The following LXN variants were observed in gnomAD, a reference collection of about 807,000 sequenced individuals.
The protein encoded by LXN is MUM.
LXN carries 28 observed loss-of-function variants against 29.8 expected under a neutral mutation model. The observed-to-expected ratio is 0.94, with a 90% CI of 0.70 to 1.29. The LOEUF (loss-of-function observed/expected upper bound fraction) is 1.29, where lower values mean the gene tolerates loss of function less well. Ranked by LOEUF, LXN falls within the 50% of genes most tolerant of loss-of-function variation. LXN has a pLI of 0.00. For missense variants in LXN, 227 were observed against 261.7 expected, an observed-to-expected ratio of 0.87 and a Z score of 0.92; for synonymous variants, 77 against 89.6, an observed-to-expected ratio of 0.86 and a Z score of 0.80.
chr3:158,667,687 C>G (rs1306339695), intron 4 of LXN, among the ~76,000 whole-genome samples: 1 of 152,088 alleles, frequency 6.6e-6, no homozygotes, highest in African/African-American at 2.4e-5. Context: ...ACCTGGGAGG[C>G]TGAGGTGGGA....
chr3:158,670,932 C>CAAGGAAA (rs1553850750), intron 2 of LXN, 25 bp downstream of exon 2: 1 of 1,493,832 alleles, frequency 6.7e-7, no homozygotes. Flanking sequence ...GACCCTGTCT[C>CAAGGAAA]AAAGAAAAAA....
In LXN at chr3:158,672,371, C is replaced by T. The variant is rs1240671312; in HGVS notation, c.108G>A (p.Lys36=). The change falls in exon 1 of 6, where the codon AAG becomes AAA. Residue 36 remains lysine, a synonymous_variant. Coordinates refer to ENST00000264265, the MANE Select transcript of LXN (RefSeq NM_020169.4). ...GTPHRVFEVQ[K]VKQASMEDIP... Reference sequence around the variant, plus strand: ...TCACCTCCATGCTGGCTTGTTTGACCTTCTGCACCTCAAACACCCTGTGCG... The same window carrying T: ...TCACCTCCATGCTGGCTTGTTTGACTTTCTGCACCTCAAACACCCTGTGCG... 1.2e-6 allele frequency: 2 copies of T among 1,613,990 alleles called. No homozygotes were observed. The highest frequency in any genetic ancestry group is 1.7e-6 in the Non-Finnish European group (2 of 1,179,914).
chr3:158,666,475 A>G lies in LXN; in HGVS notation c.*171T>C. On this transcript the variant is annotated 3_prime_UTR_variant, in exon 6 of 6. Transcript: ENST00000264265. Reference sequence around the variant, plus strand: ...ATACCACTATTACTGTTTTAAAGACATTTTTATGTAGTGATACTTTGTATT... The same window carrying G: ...ATACCACTATTACTGTTTTAAAGACGTTTTTATGTAGTGATACTTTGTATT... 8.2e-7 allele frequency: 1 copy of G among 1,215,290 alleles called. No homozygotes were observed. 75.3% of individuals were successfully genotyped at this position (1,215,290 alleles called of 1,614,324 possible).
chr3:158,670,876 G>A (rs1576765853), intron 2 of LXN, 81 bp downstream of exon 2: 1 of 1,350,602 alleles, frequency 7.4e-7, no homozygotes, highest in South Asian at 1.6e-5. Context: ...TGAGGCTGCA[G>A]TGAGCCATGT....
chr3:158,672,636 G>C lies in LXN; in HGVS notation c.-158C>G. On this transcript the variant is annotated 5_prime_UTR_variant, in exon 1 of 6. Coordinates refer to ENST00000264265, the MANE Select transcript of LXN (RefSeq NM_020169.4). ...TCTTCCTCAGCTCCTTCCGACTCCG[G>C]AAGCTGCTGTTTGGGCCCAGGCTCC... 1.2e-6 allele frequency: 1 copy of C among 846,202 alleles called. No homozygotes were observed. The highest frequency in any genetic ancestry group is 1.8e-6 in the Non-Finnish European group (1 of 565,066). 52.4% of individuals were successfully genotyped at this position (846,202 alleles called of 1,614,324 possible). A position where few individuals can be genotyped will look rare whatever the true frequency, so the allele number is the denominator to read the frequency against.
chr3:158,670,813 G>T (rs1426172038), intron 2 of LXN, 144 bp downstream of exon 2: 1 of 1,212,372 alleles, frequency 8.2e-7, no homozygotes. Context: ...TGCACCTGTG[G>T]TCCCAGCTAT....
At chr3:158,667,545 C>T (rs548134934) in intron 4 of LXN, among the ~76,000 whole-genome samples, 5 of 152,240 alleles carry the variant, frequency 3.3e-5, no homozygotes, top group South Asian at 4.1e-4. Flanking sequence ...GAGCACTTTG[C>T]GGGGCTGAGG....
chr3:158,669,130 TGTCTG>T lies in LXN; in HGVS notation c.371-3_372del. 1 of 1,613,162 alleles carries T rather than the reference TGTCTG, an allele frequency of 6.2e-7. No homozygotes were observed. The highest frequency in any genetic ancestry group is 1.7e-5 in the Admixed American group (1 of 59,918). On this transcript the variant is annotated splice_acceptor_variant and splice_polypyrimidine_tract_variant and coding_sequence_variant and intron_variant, in exon 4 of 6. Coordinates refer to ENST00000264265, the MANE Select transcript of LXN (RefSeq NM_020169.4). LOFTEE classifies it high-confidence loss of function. ...ATTTCTGGAGATACATTTCCAAAAT[TGTCTG>T]GTAGGAGACACATTTATATGATAAT...
In LXN at chr3:158,671,174, A is replaced by C. The variant is rs114051682; in HGVS notation, c.130-155T>G. Among the ~76,000 whole-genome samples, 873 of 152,310 alleles carry C rather than the reference A, an allele frequency of 5.7e-3. 7 individuals carry two copies. Among genetic ancestry groups the C allele is most frequent in the African/African-American group, 0.02 (831 of 41,566 alleles). ...AAAAAGGCATGTCACCATGAATGTA[A>C]CATCTAATTTAGCAAGTCCCCTATC... On this transcript the variant is annotated intron_variant, in intron 1 of 5. Transcript: ENST00000264265.
Position 158,672,646 on chromosome 3 carries a change from T to C in LXN, c.-168A>G, listed in dbSNP as rs939614604. 28 of 749,012 alleles carry C rather than the reference T, an allele frequency of 3.7e-5. No individual in the cohort carries two copies. In the African/African-American group the frequency reaches 4.8e-4, roughly 13 times the overall value. The allele number at this position is 749,012 out of a possible 1,614,324, so 46.4% of individuals were successfully genotyped here. On this transcript the variant is annotated 5_prime_UTR_variant, in exon 1 of 6. Transcript: ENST00000264265. The stretch of plus-strand genomic sequence containing the variant: ...CTCCTTCCGACTCCGGAAGCTGCTG[T>C]TTGGGCCCAGGCTCCCTGCATCCGA...
In LXN at chr3:158,672,432, A is replaced by G. The variant is rs1560139304; in HGVS notation, c.47T>C (p.Val16Ala). ...TNYPASRAAL[V>A]AQNYINYQQG... ...CTGGTAGTTGATGTAGTTCTGTGCC[A>G]CCAAGGCCGCCCTGGAGGCTGGGTA... The change falls in exon 1 of 6, where the codon GTG becomes GCG. Residue 16 changes from valine (V) to alanine (A), a missense_variant. Transcript: ENST00000264265. The G allele has an allele frequency of 6.2e-7, 1 of 1,614,030 alleles. No homozygotes were observed.
At chr3:158,669,374 A>C in intron 3 of LXN, 59 bp downstream of exon 3, 1 of 1,497,258 alleles carries the variant, frequency 6.7e-7, no homozygotes, top group Non-Finnish European at 9.1e-7. Context: ...AAGCACAGAT[A>C]ATTGAGATTG....
At position 158,669,008 on chromosome 3, in the gene LXN, A is replaced by T; in HGVS notation, c.495T>A (p.Thr165=). The change falls in exon 4 of 6, where the codon ACT becomes ACA. Residue 165 remains threonine, a synonymous_variant. Coordinates refer to ENST00000264265, the MANE Select transcript of LXN (RefSeq NM_020169.4). ...AGAAACTACTTACCACTTGCTTGAC[A>T]GTTTGAATTTTTACCATTTTATACC... ...DTWYKMVKIQ[T]VKQVQRNDDF... The T allele has an allele frequency of 6.2e-7, 1 of 1,611,340 alleles. No individual in the cohort carries two copies. The highest frequency in any genetic ancestry group is 8.5e-7 in the Non-Finnish European group (1 of 1,178,900).
chr3:158,672,009 G>A (rs1221814232), intron 1 of LXN, among the ~76,000 whole-genome samples: 1 of 152,206 alleles, frequency 6.6e-6, no homozygotes, highest in South Asian at 2.1e-4. Context: ...GATGAGAAAC[G>A]TGGCAGCCTT....
rs1406700830 is a variant in LXN, at chr3:158,672,565, G to A, written c.-87C>T. The A allele has an allele frequency of 1.3e-5, 20 of 1,548,884 alleles. No individual in the cohort carries two copies. Among genetic ancestry groups the A allele is most frequent in the Non-Finnish European group, 1.8e-5 (20 of 1,136,906 alleles). On this transcript the variant is annotated 5_prime_UTR_variant, in exon 1 of 6. Transcript: ENST00000264265. ...CGCCGCCCGTCCTGCTTGCTGCTGG[G>A]TCCGGTTGCCGAGGCGGAAAAGTCG...
At chr3:158,669,767 T>C (rs923105614) in intron 2 of LXN, among the ~76,000 whole-genome samples, 157 bp from the exon 3 acceptor site, 1 of 152,238 alleles carries the variant, frequency 6.6e-6, no homozygotes, top group Non-Finnish European at 1.5e-5. Flanking sequence ...GGGCCTGGCC[T>C]ATTAAATTCT....
intron 4 of LXN, 89 bp downstream of exon 4, chr3:158,668,907 T>C: frequency 8.4e-7 from 1 of 1,192,912 alleles, no homozygotes; most frequent in Non-Finnish European, 1.2e-6. Context: ...ACAAAATGAC[T>C]ATAGGAATAC....
rs2108070548 is a variant in LXN at position 158,672,503 on chromosome 3, C to G, written c.-25G>C. ...TTCCGGATGAGCAGTGACTTCAGGG[C>G]TTGGGCTACTCTGGCTTAACGGGAC... On this transcript the variant is annotated 5_prime_UTR_variant, in exon 1 of 6. Transcript: ENST00000264265. 6.2e-7 allele frequency: 1 copy of G among 1,612,944 alleles called. No homozygotes were observed. Among genetic ancestry groups the G allele is most frequent in the South Asian group, 1.1e-5 (1 of 90,998 alleles).
At position 158,672,404 on chromosome 3, in the gene LXN, C is replaced by T; in HGVS notation, c.75G>A (p.Gln25=). Reference sequence around the variant, plus strand: ...CCTCAAACACCCTGTGCGGGGTCCCCTGCTGGTAGTTGATGTAGTTCTGTG... The same window carrying T: ...CCTCAAACACCCTGTGCGGGGTCCCTTGCTGGTAGTTGATGTAGTTCTGTG... ...LVAQNYINYQ[Q]GTPHRVFEVQ... The change falls in exon 1 of 6, where the codon CAG becomes CAA. Residue 25 remains glutamine, a synonymous_variant. Transcript: ENST00000264265. 1 of 1,614,078 alleles carries T rather than the reference C, an allele frequency of 6.2e-7. No homozygotes were observed. The highest frequency in any genetic ancestry group is 8.5e-7 in the Non-Finnish European group (1 of 1,180,002).
Sources: gnomAD v4.1 joint callset for allele counts (sites outside exome capture counted in the v4.1 genomes callset) on GRCh38, gnomAD v4.1.1 for gene constraint, MANE v1.5 for transcripts, NCBI Gene and HGNC (gene_info 2026-07-23, HGNC 2026-07-21) for gene names.